Variants in ADAMTSL3 observed in about 807,000 individuals in gnomAD.
The protein encoded by ADAMTSL3 is ADAMTS like 3.
A neutral mutation model predicts 201.7 loss-of-function variants in ADAMTSL3; 128 were observed. That is an observed-to-expected ratio of 0.63 (90% CI 0.55 to 0.73). ADAMTSL3 has a LOEUF of 0.73. Among genes scored for constraint, ADAMTSL3 ranks in the 30% least tolerant of loss-of-function variants. The probability of loss-of-function intolerance (pLI) is 0.00; values close to 1 mark genes in which losing one functional copy is unlikely to be tolerated. For synonymous variants in ADAMTSL3, 738 were observed against 748.4 expected, an observed-to-expected ratio of 0.99 and a Z score of 0.23; for missense variants, 1,990 against 2,119.6, an observed-to-expected ratio of 0.94 and a Z score of 1.20.
intron 7 of ADAMTSL3, among the ~76,000 whole-genome samples, chr15:83,853,776 T>C (rs1249161433): frequency 1.3e-5 from 2 of 152,182 alleles, no homozygotes; most frequent in East Asian, 3.8e-4. Context: ...TCCAAAATTG[T>C]ACTGTGTAAA....
At chr15:83,728,700 ACTGT>A (rs1213151245) in intron 3 of ADAMTSL3, among the ~76,000 whole-genome samples, 21 of 151,878 alleles carry the variant, frequency 1.4e-4, no homozygotes, top group South Asian at 2.1e-4. Flanking sequence ...ATCTTATTAT[ACTGT>A]CTATGTCCTG....
intron 15 of ADAMTSL3, among the ~76,000 whole-genome samples, chr15:83,902,867 A>G (rs1026438247): frequency 6.6e-6 from 1 of 152,074 alleles, no homozygotes; most frequent in Non-Finnish European, 1.5e-5. Context: ...CTTTTTAATC[A>G]TAGGAAATTG....
At chr15:83,794,123 A>G (rs2063386143) in intron 4 of ADAMTSL3, among the ~76,000 whole-genome samples, 1 of 152,224 alleles carries the variant, frequency 6.6e-6, no homozygotes, top group Non-Finnish European at 1.5e-5. Context: ...ATCATTACCT[A>G]CCTATCAGAA....
chr15:83,692,579 G>C (rs972208686), intron 2 of ADAMTSL3, among the ~76,000 whole-genome samples: 1 of 151,564 alleles, frequency 6.6e-6, no homozygotes, highest in South Asian at 2.1e-4. Context: ...CCAGCTACTG[G>C]GGAGGCTGAG....
intron 3 of ADAMTSL3, among the ~76,000 whole-genome samples, chr15:83,735,084 G>C (rs72746904): frequency 0.089 from 13,565 of 152,202 alleles, 785 homozygotes; most frequent in East Asian, 0.28. Context: ...TAGAATAAGA[G>C]TATTTTTTAA....
chr15:84,037,958 G>A lies in ADAMTSL3; in HGVS notation c.*152G>A. 1.7e-6 allele frequency: 2 copies of A among 1,206,102 alleles called. No individual in the cohort carries two copies. The highest frequency in any genetic ancestry group is 1.5e-5 in the African/African-American group (1 of 64,980). 74.7% of individuals were successfully genotyped at this position (1,206,102 alleles called of 1,614,324 possible). On this transcript the variant is annotated 3_prime_UTR_variant, in exon 30 of 30. Transcript: ENST00000286744. ...GATGCAAAAACACCACTGTTAAGGT[G>A]TAAAGTGAAATTTTCCAATGGTAGT...
chr15:83,867,500 T>C (rs2065001931), intron 8 of ADAMTSL3, among the ~76,000 whole-genome samples: 1 of 152,164 alleles, frequency 6.6e-6, no homozygotes, highest in African/African-American at 2.4e-5. Flanking sequence ...CAAGAGGTCA[T>C]AAACCAAAAA....
intron 27 of ADAMTSL3, 76 bp from the exon 28 acceptor site, chr15:84,031,259 C>G: frequency 7.0e-7 from 1 of 1,420,914 alleles, no homozygotes; most frequent in Non-Finnish European, 9.9e-7. Flanking sequence ...GCTATCCTGC[C>G]TCAGTACATG....
intron 3 of ADAMTSL3, among the ~76,000 whole-genome samples, chr15:83,728,758 T>C (rs1342677174): frequency 6.6e-6 from 1 of 152,148 alleles, no homozygotes; most frequent in Non-Finnish European, 1.5e-5. Flanking sequence ...CTTTTAATCT[T>C]TCTACTCAAG....
intron 5 of ADAMTSL3, among the ~76,000 whole-genome samples, chr15:83,816,707 A>G (rs2063777318): frequency 6.6e-6 from 1 of 152,206 alleles, no homozygotes; most frequent in Admixed American, 6.5e-5. Context: ...CCTCATTTCA[A>G]CAGAGGAAAG....
rs945185236 is a variant in ADAMTSL3, at chr15:83,892,287, T to C, written c.1263-397T>C. Among the ~76,000 whole-genome samples the C allele has an allele frequency of 2.0e-5, 3 of 151,618 alleles. No individual in the cohort carries two copies. The South Asian group carries it at 6.3e-4, about 32-fold the overall frequency. On this transcript the variant is annotated intron_variant, in intron 12 of 29. Transcript: ENST00000286744. Reference sequence around the variant, plus strand: ...TGGCTCATGCCTGTAATCCCAGCACTTTGGGATGCTGAGGCAGGCGGATCA... The same window carrying C: ...TGGCTCATGCCTGTAATCCCAGCACCTTGGGATGCTGAGGCAGGCGGATCA...
At chr15:84,035,552 A>G (rs2068489351) in intron 28 of ADAMTSL3, among the ~76,000 whole-genome samples, 1 of 152,212 alleles carries the variant, frequency 6.6e-6, no homozygotes, top group South Asian at 2.1e-4. Context: ...GTAGGACAGC[A>G]CTGTGTTAAG....
chr15:83,903,242 C>CT (rs3044648), intron 15 of ADAMTSL3, among the ~76,000 whole-genome samples: 2,885 of 133,432 alleles, frequency 0.022, 130 homozygotes, highest in African/African-American at 0.075. Flanking sequence ...GCTGCCAGAT[C>CT]TTTTTTTTTT....
At chr15:83,669,032 T>C (rs571815171) in intron 2 of ADAMTSL3, among the ~76,000 whole-genome samples, 3 of 152,328 alleles carry the variant, frequency 2.0e-5, no homozygotes, top group African/African-American at 7.2e-5. Flanking sequence ...CATCCTTACC[T>C]ACTATGAGGC....
At chr15:83,970,394 C>T in intron 19 of ADAMTSL3, 90 bp from the exon 20 acceptor site, 1 of 1,491,502 alleles carries the variant, frequency 6.7e-7, no homozygotes, top group Admixed American at 1.8e-5. Context: ...TGAAAATTTC[C>T]TCTTGTTTCA....
chr15:83,704,721 A>G (rs1233831665), intron 3 of ADAMTSL3, among the ~76,000 whole-genome samples: 2 of 152,344 alleles, frequency 1.3e-5, no homozygotes, highest in East Asian at 1.9e-4. Context: ...CTGCATTTGC[A>G]TAAAAGTCAC....
intron 2 of ADAMTSL3, among the ~76,000 whole-genome samples, chr15:83,674,766 C>CATATATACACACATATATACATAT (rs1555428954): frequency 2.0e-4 from 14 of 68,938 alleles, no homozygotes; most frequent in African/African-American, 6.4e-4. Context: ...CACATATATA[C>CATATATACACACATATATACATAT]ATATATATAT....
chr15:83,729,486 G>C (rs1054169809), intron 3 of ADAMTSL3, among the ~76,000 whole-genome samples: 1 of 151,816 alleles, frequency 6.6e-6, no homozygotes, highest in East Asian at 1.9e-4. Flanking sequence ...CAAATAGCCT[G>C]TCTTCAAGCT....
chr15:83,845,199 A>G (rs1048980191), intron 7 of ADAMTSL3, among the ~76,000 whole-genome samples: 1 of 152,190 alleles, frequency 6.6e-6, no homozygotes, highest in African/African-American at 2.4e-5. Flanking sequence ...TTTTCTGTTT[A>G]GTTCTTGCTT....
Sources: gnomAD v4.1 joint callset for allele counts (sites outside exome capture counted in the v4.1 genomes callset) on GRCh38, gnomAD v4.1.1 for gene constraint, MANE v1.5 for transcripts, NCBI Gene and HGNC (gene_info 2026-07-23, HGNC 2026-07-21) for gene names.